The following GET1 variants were observed in gnomAD, a reference collection of about 807,000 sequenced individuals.
GET1 encodes the protein congenital heart disease 5 protein.
Under a neutral mutation model 22.6 loss-of-function variants are expected in GET1, and 20 were observed. That is an observed-to-expected ratio of 0.89 (90% CI 0.62 to 1.29). GET1 has a LOEUF of 1.29. GET1 is among the 50% of genes most tolerant of loss of function. The pLI is 0.00. For synonymous variants in GET1, 92 were observed against 83.8 expected (o/e 1.10, Z -0.53); for missense variants, 209 against 219.9 (o/e 0.95, Z 0.31).
intron 1 of GET1, among the ~76,000 whole-genome samples, chr21:39,384,074 G>A (rs1299549762): frequency 6.7e-6 from 1 of 149,056 alleles, no homozygotes; most frequent in African/African-American, 2.5e-5. Context: ...CCATTCTAAT[G>A]GACGTAAGGT....
chr21:39,404,138 C>T (rs1288472449), intron 4 of GET1, among the ~76,000 whole-genome samples: 1 of 152,182 alleles, frequency 6.6e-6, no homozygotes, highest in African/African-American at 2.4e-5. Flanking sequence ...ACAAGTTGCC[C>T]TTATAACTAA....
chr21:39,412,325 C>G (rs1006237670), intron 1 of GET1, among the ~76,000 whole-genome samples: 2 of 152,060 alleles, frequency 1.3e-5, no homozygotes, highest in Non-Finnish European at 2.9e-5. Flanking sequence ...GGGGGGAAGC[C>G]TAGAACAAGG....
chr21:39,398,232 A>G (rs187568373), downstream of GET1, among the ~76,000 whole-genome samples: 12 of 152,326 alleles, frequency 7.9e-5, no homozygotes, highest in Admixed American at 7.8e-4. Flanking sequence ...AGATGAGAGT[A>G]GCACACGGAA....
chr21:39,406,509 C>T, exon 5 of GET1: 2 of 1,613,334 alleles, frequency 1.2e-6, no homozygotes, highest in Non-Finnish European at 1.7e-6. Flanking sequence ...GCTCTTCTTT[C>T]ACAAAAATGT....
In GET1 at chr21:39,428,456, T is replaced by G. The variant is rs139366516; in HGVS notation, c.*248T>G. 8.1e-6 allele frequency: 13 copies of G among 1,610,764 alleles called. No individual in the cohort carries two copies. The African/African-American group carries it at 1.2e-4, about 15-fold the overall frequency. ...TTCTAATGCCACGCCGAAGAAATGC[T>G]CATCTATATTTGTTTTTGTTAGATC... On this transcript the variant is annotated 3_prime_UTR_variant, in exon 2 of 2. Transcript: ENST00000478273.
chr21:39,399,332 A>G (rs1373636432), downstream of GET1, among the ~76,000 whole-genome samples: 2 of 152,222 alleles, frequency 1.3e-5, no homozygotes, highest in East Asian at 1.9e-4. Flanking sequence ...GCAGCAAGGA[A>G]GAAAAACCTA....
rs1042016485 is a variant in GET1, at chr21:39,389,696, G to A, written c.103-1002G>A. Among the ~76,000 whole-genome samples, 18 of 152,252 alleles carry A rather than the reference G, an allele frequency of 1.2e-4. 2 individuals are homozygous for A. In the South Asian group the frequency reaches 3.7e-3, roughly 32 times the overall value. On this transcript the variant is annotated intron_variant, in intron 1 of 4. Transcript: ENST00000649170. ...AGGCTGCCCTTTCTTGGGGACCCCT[G>A]TATCACCATGCCTGGCCCTGATGCC...
intron 4 of GET1, among the ~76,000 whole-genome samples, chr21:39,404,749 T>C (rs1198411825): frequency 6.1e-5 from 1 of 16,338 alleles, no homozygotes; most frequent in Admixed American, 6.6e-4. Flanking sequence ...TGAGACACTG[T>C]CAAAAAAAAA....
intron 1 of GET1, among the ~76,000 whole-genome samples, chr21:39,384,100 T>A (rs1366034174): frequency 1.3e-5 from 2 of 151,848 alleles, no homozygotes; most frequent in African/African-American, 4.8e-5. Context: ...CTCATTTTAG[T>A]TTTGATTTGC....
chr21:39,400,007 C>T (rs1231601250), downstream of GET1, among the ~76,000 whole-genome samples: 1 of 151,850 alleles, frequency 6.6e-6, no homozygotes, highest in Non-Finnish European at 1.5e-5. Context: ...CAGGTGTGAG[C>T]CACCATGCCC....
intron 1 of GET1, chr21:39,414,148 G>A (rs2040608734): frequency 6.6e-6 from 1 of 152,294 alleles, no homozygotes; most frequent in Non-Finnish European, 1.5e-5. Flanking sequence ...AATGCTCGTG[G>A]AATACTCAGC....
At chr21:39,385,342 A>C (rs999645443) in intron 1 of GET1, among the ~76,000 whole-genome samples, 1 of 152,014 alleles carries the variant, frequency 6.6e-6, no homozygotes, top group African/African-American at 2.4e-5. Context: ...AGGAGGTCTG[A>C]AGTATCAGAA....
At position 39,428,078 on chromosome 21, in the gene GET1, TA is replaced by T. The variant is rs2075076112; in HGVS notation, c.*24-150del. 7 of 721,426 alleles carry T rather than the reference TA, an allele frequency of 9.7e-6. No homozygotes were observed. In the East Asian group the frequency reaches 1.7e-4, roughly 18 times the overall value. The allele number at this position is 721,426 out of a possible 1,614,324, so 44.7% of individuals were successfully genotyped here. The stretch of plus-strand genomic sequence containing the variant: ...ACACATTTACAATATGGGAAAACAA[TA>T]AAACTGAGTATGAACCACTTCAAAC... On this transcript the variant is annotated intron_variant, in intron 1 of 1. Transcript: ENST00000478273.
chr21:39,410,330 A>C, downstream of GET1: 1 of 1,610,320 alleles, frequency 6.2e-7, no homozygotes, highest in Non-Finnish European at 8.5e-7. Flanking sequence ...TGAATGGCAA[A>C]ATTTTTCTGT....
intron 1 of GET1, among the ~76,000 whole-genome samples, chr21:39,382,828 A>G (rs2037636104): frequency 6.6e-6 from 1 of 152,214 alleles, no homozygotes; most frequent in African/African-American, 2.4e-5. Flanking sequence ...AAAAACCACC[A>G]TACTGTTTTC....
intron 4 of GET1, chr21:39,405,749 A>T: frequency 1.7e-6 from 1 of 605,114 alleles, no homozygotes; most frequent in Non-Finnish European, 2.5e-6. Flanking sequence ...ACAAAAATTT[A>T]ATTATCGAAA....
chr21:39,407,175 C>T (rs187295081), downstream of GET1, among the ~76,000 whole-genome samples: 431 of 152,280 alleles, frequency 2.8e-3, 4 homozygotes, highest in African/African-American at 9.7e-3. Context: ...TGCAGTGAGC[C>T]GTGACTGTGC....
At chr21:39,401,801 A>G (rs1367559337), downstream of GET1, among the ~76,000 whole-genome samples, 1 of 152,014 alleles carries the variant, frequency 6.6e-6, no homozygotes, top group Non-Finnish European at 1.5e-5. Flanking sequence ...TTTCGTTATT[A>G]TATGTTATGG....
chr21:39,396,937 T>C lies in GET1; in HGVS notation c.523T>C (p.Ter175ArgextTer10). The part of the protein sequence containing the change: ...VVAIVLHPFS[*>R] Reference sequence around the variant, plus strand: ...CGCTATTGTGCTTCATCCGTTCAGCTGAACAGGAGGATGGATACAGCCGCG... The same window carrying C: ...CGCTATTGTGCTTCATCCGTTCAGCCGAACAGGAGGATGGATACAGCCGCG... The change falls in exon 5 of 5, where the codon TGA (stop) becomes CGA (arginine). Residue 175 changes from the stop codon to arginine, a stop_lost. Transcript: ENST00000649170. 1.2e-6 allele frequency: 2 copies of C among 1,614,114 alleles called. No individual in the cohort carries two copies. Among genetic ancestry groups the C allele is most frequent in the South Asian group, 2.2e-5 (2 of 91,074 alleles).
Sources: allele counts gnomAD v4.1 joint callset (sites outside exome capture counted in the v4.1 genomes callset), GRCh38; gene constraint gnomAD v4.1.1; transcripts MANE v1.5; gene names NCBI Gene and HGNC (gene_info 2026-07-23, HGNC 2026-07-21).